The following RCOR1 variants were observed in gnomAD, a reference collection of about 807,000 sequenced individuals.
The protein encoded by RCOR1 is REST corepressor 1.
In RCOR1, 12 loss-of-function variants were observed where a neutral mutation model predicts 64.0. The observed-to-expected ratio is 0.19, with a 90% CI of 0.12 to 0.30. RCOR1 has a LOEUF of 0.30. RCOR1 is among the 10% of genes least tolerant of loss of function. RCOR1 has a pLI of 1.00. For synonymous variants in RCOR1, 279 were observed against 227.2 expected, an observed-to-expected ratio of 1.23 and a Z score of -2.05; for missense variants, 502 against 621.2, an observed-to-expected ratio of 0.81 and a Z score of 2.04.
intron 2 of RCOR1, among the ~76,000 whole-genome samples, chr14:102,653,021 C>T (rs992370951): frequency 3.7e-4 from 56 of 152,154 alleles, no homozygotes; most frequent in Non-Finnish European, 1.2e-4. Flanking sequence ...CAACCTCTAT[C>T]TCCTGGGTTC....
At chr14:102,696,988 G>A (rs1365772401) in intron 3 of RCOR1, among the ~76,000 whole-genome samples, 1 of 151,854 alleles carries the variant, frequency 6.6e-6, no homozygotes, top group Non-Finnish European at 1.5e-5. Flanking sequence ...AAAGGAACAG[G>A]GTAGGTGGTG....
chr14:102,629,830 C>G (rs1391898464), intron 2 of RCOR1, among the ~76,000 whole-genome samples: 1 of 152,206 alleles, frequency 6.6e-6, no homozygotes, highest in Non-Finnish European at 1.5e-5. Context: ...CTACACCACA[C>G]ATGTCATCAT....
At chr14:102,632,208 C>A (rs796669270) in intron 2 of RCOR1, among the ~76,000 whole-genome samples, 1 of 130,522 alleles carries the variant, frequency 7.7e-6, no homozygotes, top group Non-Finnish European at 1.6e-5. Flanking sequence ...GAAATAATTT[C>A]GTTTGTTGGG....
intron 2 of RCOR1, among the ~76,000 whole-genome samples, chr14:102,634,783 A>G (rs1894202032): frequency 6.6e-6 from 1 of 150,444 alleles, no homozygotes; most frequent in Non-Finnish European, 1.5e-5. Context: ...GACAACCTCT[A>G]CCTCCCAGGT....
intron 2 of RCOR1, among the ~76,000 whole-genome samples, chr14:102,668,331 A>T (rs1894957921): frequency 6.6e-6 from 1 of 152,190 alleles, no homozygotes; most frequent in African/African-American, 2.4e-5. Context: ...AAAATTAAGA[A>T]TCAAGACAGC....
intron 2 of RCOR1, 24 bp downstream of exon 2, chr14:102,593,349 G>A: frequency 1.3e-6 from 2 of 1,520,618 alleles, no homozygotes; most frequent in Admixed American, 2.1e-5. Context: ...CCGGCCGGCC[G>A]GCGGCGGGGA....
intron 2 of RCOR1, among the ~76,000 whole-genome samples, chr14:102,605,164 T>C (rs1046098230): frequency 4.0e-5 from 6 of 151,640 alleles, no homozygotes; most frequent in Non-Finnish European, 7.4e-5. Context: ...CCCCAGGTGT[T>C]GGGGAATTTT....
intron 2 of RCOR1, among the ~76,000 whole-genome samples, chr14:102,613,226 C>T (rs892681785): frequency 2.6e-5 from 4 of 151,984 alleles, no homozygotes; most frequent in East Asian, 3.9e-4. Flanking sequence ...CTCAGCCTCC[C>T]GAGTAGCTGG....
intron 3 of RCOR1, among the ~76,000 whole-genome samples, chr14:102,695,236 T>G (rs1895620112): frequency 6.6e-6 from 1 of 152,224 alleles, no homozygotes; most frequent in Non-Finnish European, 1.5e-5. Context: ...TTACCCCTGC[T>G]TTCTGTCACT....
rs554218985 is a variant in RCOR1, at chr14:102,602,482, T to C, written c.361+9157T>C. ...GCAGTGACGCAGTCTCCTCTCACTG[T>C]AACCTCCGCCTCCCCGGTTCAAGTG... On this transcript the variant is annotated intron_variant, in intron 2 of 11. Coordinates refer to ENST00000262241, the MANE Select transcript of RCOR1 (RefSeq NM_015156.4). Among the ~76,000 whole-genome samples, 11 of 150,570 alleles carry C rather than the reference T, an allele frequency of 7.3e-5. No homozygotes were observed. The South Asian group carries it at 2.3e-3, about 32-fold the overall frequency.
chr14:102,677,123 C>T (rs1421514571), intron 2 of RCOR1, among the ~76,000 whole-genome samples: 2 of 133,092 alleles, frequency 1.5e-5, no homozygotes, highest in Non-Finnish European at 3.3e-5. Flanking sequence ...AGGAGCCCCT[C>T]ACCTCCCGGA....
intron 2 of RCOR1, among the ~76,000 whole-genome samples, chr14:102,651,496 T>C (rs942607983): frequency 1.7e-4 from 25 of 150,032 alleles, no homozygotes; most frequent in African/African-American, 6.2e-4. Flanking sequence ...GAGGTTGCAG[T>C]GAGCCGAGAT....
rs545843869 is a variant in RCOR1, at chr14:102,729,943, C to T, written c.*3437C>T. On this transcript the variant is annotated 3_prime_UTR_variant, in exon 12 of 12. Coordinates refer to ENST00000262241, the MANE Select transcript of RCOR1 (RefSeq NM_015156.4). The stretch of plus-strand genomic sequence containing the variant: ...TCAAGTGAAACTTTCCTCAGATGGA[C>T]TCCAGGTAGCCAGGTCACCTAAACC... 3 of 398,958 alleles carry T rather than the reference C, an allele frequency of 7.5e-6. No homozygotes were observed. The East Asian group carries it at 1.1e-4, about 14-fold the overall frequency. 24.7% of individuals were successfully genotyped at this position (398,958 alleles called of 1,614,324 possible). A position where few individuals can be genotyped will look rare whatever the true frequency, so the allele number is the denominator to read the frequency against.
intron 2 of RCOR1, among the ~76,000 whole-genome samples, chr14:102,669,846 CAT>C (rs1416589073): frequency 1.3e-5 from 2 of 152,156 alleles, no homozygotes; most frequent in African/African-American, 2.4e-5. Context: ...ATTTTGGAGT[CAT>C]AAAACGTTTT....
intron 2 of RCOR1, among the ~76,000 whole-genome samples, chr14:102,661,694 C>G (rs1894826273): frequency 6.6e-6 from 1 of 152,120 alleles, no homozygotes; most frequent in Non-Finnish European, 1.5e-5. Flanking sequence ...GATGAGACAA[C>G]CGGCTATAGC....
intron 2 of RCOR1, among the ~76,000 whole-genome samples, chr14:102,672,376 A>AT (rs1225108342): frequency 6.0e-5 from 9 of 150,538 alleles, no homozygotes; most frequent in East Asian, 3.9e-4. Context: ...CACCCAGCTA[A>AT]TTTTTTTTTG....
intron 4 of RCOR1, among the ~76,000 whole-genome samples, chr14:102,706,885 T>G (rs1895870433): frequency 6.6e-6 from 1 of 151,792 alleles, no homozygotes; most frequent in South Asian, 2.1e-4. Flanking sequence ...TTATTTATAG[T>G]TTCTCTGTGA....
intron 4 of RCOR1, among the ~76,000 whole-genome samples, chr14:102,701,938 A>G (rs1007273454): frequency 6.6e-6 from 1 of 152,222 alleles, no homozygotes; most frequent in Non-Finnish European, 1.5e-5. Flanking sequence ...AAGTGTTGGG[A>G]TTACAGGCGT....
chr14:102,674,850 G>C (rs989088963), intron 2 of RCOR1, among the ~76,000 whole-genome samples: 1 of 151,900 alleles, frequency 6.6e-6, no homozygotes, highest in Non-Finnish European at 1.5e-5. Context: ...CGAGGCGGGC[G>C]GATCATGAGA....
Sources: allele counts gnomAD v4.1 joint callset (sites outside exome capture counted in the v4.1 genomes callset), GRCh38; gene constraint gnomAD v4.1.1; transcripts MANE v1.5; gene names NCBI Gene and HGNC (gene_info 2026-07-23, HGNC 2026-07-21).